Variants in DICER1 observed in about 807,000 individuals in gnomAD.
DICER1 encodes the protein dicer 1, ribonuclease III, also known as endoribonuclease Dicer.
A neutral mutation model predicts 194.1 loss-of-function variants in DICER1; 43 were observed. That is an observed-to-expected ratio of 0.22 (90% CI 0.17 to 0.29). The LOEUF (loss-of-function observed/expected upper bound fraction) is 0.29, where lower values mean the gene tolerates loss of function less well. Among genes scored for constraint, DICER1 ranks in the 10% least tolerant of loss-of-function variants. The pLI, the probability that DICER1 is intolerant of heterozygous loss-of-function variation, is 1.00. For synonymous variants in DICER1, 832 were observed against 820.5 expected, an observed-to-expected ratio of 1.01 and a Z score of -0.24; for missense variants, 1,608 against 2,317.0, an observed-to-expected ratio of 0.69 and a Z score of 6.28.
chr14:95,145,892 CA>C (rs988018358), intron 1 of DICER1, among the ~76,000 whole-genome samples: 2 of 151,826 alleles, frequency 1.3e-5, no homozygotes, highest in African/African-American at 4.8e-5. Flanking sequence ...ACCACACACA[CA>C]AAAAAAACTT....
intron 10 of DICER1, among the ~76,000 whole-genome samples, chr14:95,116,040 C>A (rs1892424158): frequency 6.6e-6 from 1 of 150,672 alleles, no homozygotes; most frequent in Non-Finnish European, 1.5e-5. Context: ...AAAGTCTATA[C>A]TGTACCGTGC....
chr14:95,095,990 T>C lies in DICER1; in HGVS notation c.4930A>G (p.Ile1644Val). The C allele has an allele frequency of 1.9e-6, 3 of 1,614,268 alleles. No homozygotes were observed. The highest frequency in any genetic ancestry group is 1.3e-5 in the African/African-American group (1 of 75,064). The change falls in exon 23 of 27, where the codon ATT (isoleucine) becomes GTT (valine). Residue 1644 changes from isoleucine to valine, a missense_variant. Around this residue, in one of 10 missense-constraint regions of DICER1, gnomAD observed 125 missense variants for 134.9 expected, o/e 0.93. Coordinates refer to ENST00000343455, the MANE Select transcript of DICER1 (RefSeq NM_177438.3). The stretch of plus-strand genomic sequence containing the variant: ...TGATCAAACATACATCTTGGTGGAA[T>C]CTTCAAACAACCATATTCCGAGTCT... ...LKDSEYGCLKIPPRCMFDHPD... is the reference protein window; with the variant it reads ...LKDSEYGCLKVPPRCMFDHPD...
Position 95,124,663 on chromosome 14 carries a change from T to C in DICER1, c.909A>G (p.Leu303=), listed in dbSNP as rs773509809. 3.2e-5 allele frequency: 51 copies of C among 1,611,270 alleles called. No homozygotes were observed. The highest frequency in any genetic ancestry group is 4.0e-5 in the Non-Finnish European group (47 of 1,178,242). ...RDSTLISKQI[L]SDCRAVLVVL... ...CTACCAATACGGCACGACAGTCTGATAGTATCTACAAAAAAAAGAAAAGAA... is the reference window on the plus strand; with the variant it reads ...CTACCAATACGGCACGACAGTCTGACAGTATCTACAAAAAAAAGAAAAGAA... Residue 303 remains leucine (L), a synonymous_variant, in exon 8 of 27, where the codon CTA becomes CTG. Coordinates refer to ENST00000343455, the MANE Select transcript of DICER1 (RefSeq NM_177438.3). This position sits in a 1 kb window ranked among gnomAD's most constrained non-coding sequence, Gnocchi z 4.5.
chr14:95,157,681 G>A (rs959665959), upstream of DICER1: 3 of 152,608 alleles, frequency 2.0e-5, no homozygotes, highest in East Asian at 1.9e-4. Context: ...CGCGCGCGGA[G>A]GCCGGAGAGG....
At chr14:95,143,110 T>C (rs943126729) in intron 1 of DICER1, among the ~76,000 whole-genome samples, 1 of 152,022 alleles carries the variant, frequency 6.6e-6, no homozygotes, top group African/African-American at 2.4e-5. Flanking sequence ...AACCACAATA[T>C]AGTGACATTA....
At position 95,103,973 on chromosome 14, in the gene DICER1, G is replaced by A. The variant is rs1314786992; in HGVS notation, c.3423C>T (p.Ser1141=). 1 of 1,614,044 alleles carries A rather than the reference G, an allele frequency of 6.2e-7. No individual in the cohort carries two copies. Among genetic ancestry groups the A allele is most frequent in the East Asian group, 2.2e-5 (1 of 44,902 alleles). Residue 1141 remains serine, a synonymous_variant, in exon 21 of 27, where the codon TCC becomes TCT. Coordinates refer to ENST00000343455, the MANE Select transcript of DICER1 (RefSeq NM_177438.3). ...ACATTTGGTCATGATTTTCTAGAGA[G>A]GAGGTTCTATTAGCACCTTGATGTG... is the stretch of plus-strand genomic sequence containing the variant. The part of the protein sequence containing the change: ...NAAHQGANRT[S]SLENHDQMSV...
chr14:95,100,177 A>G (rs1890751729), intron 21 of DICER1, among the ~76,000 whole-genome samples: 1 of 152,238 alleles, frequency 6.6e-6, no homozygotes, highest in South Asian at 2.1e-4. Context: ...CAGAGCAGAA[A>G]AAATAATGTA....
At chr14:95,113,824 C>A (rs1407407939) in intron 11 of DICER1, among the ~76,000 whole-genome samples, 1 of 152,198 alleles carries the variant, frequency 6.6e-6, no homozygotes, top group African/African-American at 2.4e-5. Flanking sequence ...CTGGAATGGG[C>A]AGCAGCCCTG....
chr14:95,113,460 T>C (rs934280010), intron 11 of DICER1, among the ~76,000 whole-genome samples: 2 of 152,272 alleles, frequency 1.3e-5, no homozygotes, highest in African/African-American at 2.4e-5. Context: ...TGGTGAGCAC[T>C]TGAAATGTGA....
chr14:95,117,600 C>T (rs1892589134), intron 9 of DICER1, 22 bp downstream of exon 9: 1 of 1,613,728 alleles, frequency 6.2e-7, no homozygotes, highest in Non-Finnish European at 8.5e-7. Context: ...TGTTATTGTA[C>T]ACTTATTTTG....
chr14:95,135,295 T>A (rs895707878), intron 1 of DICER1, among the ~76,000 whole-genome samples: 1 of 152,196 alleles, frequency 6.6e-6, no homozygotes, highest in Non-Finnish European at 1.5e-5. Context: ...ATTGAAGACA[T>A]GGTAGAAGGT....
Position 95,106,184 on chromosome 14 carries a change from A to G in DICER1, c.2844T>C (p.Ala948=), listed in dbSNP as rs1595374249. The G allele has an allele frequency of 1.9e-6, 3 of 1,614,052 alleles. No homozygotes were observed. Among genetic ancestry groups the G allele is most frequent in the African/African-American group, 2.7e-5 (2 of 74,946 alleles). ...GTGGGGTAAGATCAGTGTACACATC[A>G]GCTACATAAAATCGATGAGGCTGAT... The part of the protein sequence containing the change: ...NFDQPHRFYV[A]DVYTDLTPLS... The change falls in exon 18 of 27, where the codon GCT becomes GCC. Residue 948 remains alanine (A), a synonymous_variant. Coordinates refer to ENST00000343455, the MANE Select transcript of DICER1 (RefSeq NM_177438.3).
At chr14:95,102,787 G>A (rs1352912757) in intron 21 of DICER1, among the ~76,000 whole-genome samples, 18 of 151,896 alleles carry the variant, frequency 1.2e-4, no homozygotes, top group Non-Finnish European at 2.2e-4. Context: ...CTGAGCTATC[G>A]AGCGTTAATT....
chr14:95,094,953 T>G (rs1890176462), intron 23 of DICER1, among the ~76,000 whole-genome samples: 1 of 152,192 alleles, frequency 6.6e-6, no homozygotes, highest in Admixed American at 6.5e-5. Context: ...TCTCGGAACT[T>G]CCAGCAGAAT....
chr14:95,156,847 C>A (rs1391644047), intron 1 of DICER1, among the ~76,000 whole-genome samples: 1 of 152,182 alleles, frequency 6.6e-6, no homozygotes, highest in Non-Finnish European at 1.5e-5. Flanking sequence ...CGCGTCTCCA[C>A]CTCCGCTGCT....
chr14:95,100,625 CCTT>C (rs1307625317), intron 21 of DICER1, among the ~76,000 whole-genome samples: 5 of 152,316 alleles, frequency 3.3e-5, no homozygotes, highest in South Asian at 4.1e-4. Context: ...GCCTCTATCT[CCTT>C]CTTAATTTCT....
intron 1 of DICER1, among the ~76,000 whole-genome samples, chr14:95,150,027 T>C (rs1053140175): frequency 6.6e-6 from 1 of 152,190 alleles, no homozygotes; most frequent in Non-Finnish European, 1.5e-5. Context: ...TCAGTTAACT[T>C]CCAACCACTA....
chr14:95,129,402 C>T, intron 6 of DICER1, 70 bp downstream of exon 6: 1 of 1,502,038 alleles, frequency 6.7e-7, no homozygotes, highest in South Asian at 1.1e-5. Context: ...CAAGGTACTA[C>T]AAAAACACCA....
At position 95,121,302 on chromosome 14, in the gene DICER1, T is replaced by A. The variant is rs149685891; in HGVS notation, c.1376+2894A>T. Among the ~76,000 whole-genome samples the A allele has an allele frequency of 9.6e-4, 146 of 152,252 alleles. 1 individual carries two copies. Among genetic ancestry groups the A allele is most frequent in the Middle Eastern group, 3.4e-3 (1 of 294 alleles). On this transcript the variant is annotated intron_variant, in intron 8 of 26. Coordinates refer to ENST00000343455, the MANE Select transcript of DICER1 (RefSeq NM_177438.3). ...GGATTAAAGACATTATCCCTTACTG[T>A]CTAGTGGTTAGAAAAAAATAAAAAT... is the stretch of plus-strand genomic sequence containing the variant.
Sources: allele counts gnomAD v4.1 joint callset (sites outside exome capture counted in the v4.1 genomes callset), GRCh38; gene constraint gnomAD v4.1.1; regional missense constraint gnomAD v4.1.1; non-coding constraint Gnocchi (gnomAD v3.1); transcripts MANE v1.5; gene names NCBI Gene and HGNC (gene_info 2026-07-23, HGNC 2026-07-21).